GALNT13: variants seen among roughly 807,000 people sequenced by gnomAD.
The protein encoded by GALNT13 is polypeptide N-acetylgalactosaminyltransferase 13.
Under a neutral mutation model 64.2 loss-of-function variants are expected in GALNT13, and 28 were observed. The ratio of observed to expected loss-of-function variants is 0.44; its 90% CI spans 0.32 to 0.60. The LOEUF (loss-of-function observed/expected upper bound fraction) is 0.60, where lower values mean the gene tolerates loss of function less well. GALNT13 is among the 20% of genes least tolerant of loss of function. GALNT13 has a pLI of 0.05. For synonymous variants in GALNT13, 214 were observed against 224.6 expected, an observed-to-expected ratio of 0.95 and a Z score of 0.42; for missense variants, 577 against 669.8, an observed-to-expected ratio of 0.86 and a Z score of 1.53.
the GALNT13 span, among the ~76,000 whole-genome samples, chr2:153,807,290 T>G: frequency 1.3e-5 from 2 of 151,924 alleles, no homozygotes; most frequent in African/African-American, 4.8e-5. Context: ...AATATAAACT[T>G]GAATAAGGTT....
At chr2:153,496,848 C>T in the GALNT13 span, among the ~76,000 whole-genome samples, 1 of 151,484 alleles carries the variant, frequency 6.6e-6, no homozygotes, top group Admixed American at 6.6e-5. Context: ...AAAAAAATTA[C>T]CCAGGTGTGG....
At chr2:153,803,675 G>A in the GALNT13 span, among the ~76,000 whole-genome samples, 1 of 123,918 alleles carries the variant, frequency 8.1e-6, no homozygotes, top group Non-Finnish European at 1.6e-5. Flanking sequence ...CTGGGCGACA[G>A]ATCGAGACTC....
the GALNT13 span, among the ~76,000 whole-genome samples, chr2:153,356,041 A>G: frequency 2.0e-5 from 3 of 152,330 alleles, no homozygotes; most frequent in African/African-American, 7.2e-5. Context: ...TCACAGAATA[A>G]GGATATTCAA....
Position 154,207,915 on chromosome 2 carries a change from A to G in GALNT13, c.312-34115A>G, listed in dbSNP as rs935416836. On this transcript the variant is annotated intron_variant, in intron 4 of 12. Transcript: ENST00000392825. Reference sequence around the variant, plus strand: ...ATGTCGCATAGGACAAAGGCAACATATGTGGCTTTGGAATAGGACTTTTCA... The same window carrying G: ...ATGTCGCATAGGACAAAGGCAACATGTGTGGCTTTGGAATAGGACTTTTCA... Among the ~76,000 whole-genome samples the G allele has an allele frequency of 7.2e-5, 11 of 152,306 alleles. No individual in the cohort carries two copies. In the East Asian group the frequency reaches 1.9e-3, roughly 27 times the overall value.
At chr2:153,740,131 T>A in the GALNT13 span, among the ~76,000 whole-genome samples, 9 of 152,004 alleles carry the variant, frequency 5.9e-5, no homozygotes, top group Admixed American at 3.3e-4. Context: ...GCTTTCTGAA[T>A]CTTTAAATTT....
intron 4 of GALNT13, among the ~76,000 whole-genome samples, chr2:154,202,123 C>T (rs1397430023): frequency 1.3e-5 from 2 of 151,980 alleles, no homozygotes; most frequent in Non-Finnish European, 2.9e-5. Flanking sequence ...CTCTGTCTAG[C>T]AGGGGAGAAA....
chr2:153,896,876 C>G (rs1250329677), intron 1 of GALNT13, among the ~76,000 whole-genome samples: 1 of 151,820 alleles, frequency 6.6e-6, no homozygotes, highest in African/African-American at 2.4e-5. Context: ...TTATTTTTAC[C>G]TTGTTGCATA....
the GALNT13 span, among the ~76,000 whole-genome samples, chr2:153,272,988 C>G: frequency 1.3e-5 from 2 of 152,088 alleles, no homozygotes; most frequent in African/African-American, 4.8e-5. Flanking sequence ...AAGCTGCAAT[C>G]CATGAATCTG....
intron 3 of GALNT13, among the ~76,000 whole-genome samples, chr2:154,042,245 A>T (rs1458263824): frequency 7.2e-6 from 1 of 139,556 alleles, no homozygotes; most frequent in Non-Finnish European, 1.6e-5. Context: ...CATAAAACGG[A>T]AACGATGACA....
chr2:154,319,604 G>A (rs544454150), intron 9 of GALNT13, among the ~76,000 whole-genome samples: 2 of 151,306 alleles, frequency 1.3e-5, no homozygotes, highest in Non-Finnish European at 2.9e-5. Context: ...GGCAGAAGTC[G>A]CAGTGAGCCG....
intron 3 of GALNT13, among the ~76,000 whole-genome samples, chr2:154,038,866 G>A (rs1176996052): frequency 6.6e-6 from 1 of 151,892 alleles, no homozygotes; most frequent in Non-Finnish European, 1.5e-5. Flanking sequence ...AGTCCAAGAA[G>A]GGATTAATAT....
chr2:154,362,389 T>C (rs1191259673), intron 9 of GALNT13, among the ~76,000 whole-genome samples: 1 of 151,998 alleles, frequency 6.6e-6, no homozygotes, highest in Non-Finnish European at 1.5e-5. Context: ...GATTTGTATA[T>C]TTCATCTCTC....
the GALNT13 span, among the ~76,000 whole-genome samples, chr2:153,155,310 T>C: frequency 6.6e-6 from 1 of 152,190 alleles, no homozygotes; most frequent in Non-Finnish European, 1.5e-5. Flanking sequence ...CAGTTCTTCT[T>C]TGTACTTCTG....
chr2:153,221,864 A>T, the GALNT13 span, among the ~76,000 whole-genome samples: 1 of 152,198 alleles, frequency 6.6e-6, no homozygotes, highest in South Asian at 2.1e-4. Flanking sequence ...GATGAAGGGA[A>T]TGCAGTGGCA....
chr2:153,425,159 T>C, the GALNT13 span, among the ~76,000 whole-genome samples: 1 of 151,480 alleles, frequency 6.6e-6, no homozygotes, highest in South Asian at 2.1e-4. Context: ...ATTTATAAGG[T>C]GTGAGTGGGA....
chr2:153,892,017 T>C (rs1687586868), intron 1 of GALNT13, among the ~76,000 whole-genome samples: 1 of 152,028 alleles, frequency 6.6e-6, no homozygotes, highest in African/African-American at 2.4e-5. Context: ...GAGCAAAACC[T>C]TGAAGGATTT....
the GALNT13 span, among the ~76,000 whole-genome samples, chr2:153,745,820 T>C: frequency 1.3e-5 from 2 of 152,208 alleles, no homozygotes; most frequent in Admixed American, 6.5e-5. Flanking sequence ...TCCTGGATAA[T>C]CAAGCGATTG....
At chr2:153,455,073 T>C in the GALNT13 span, among the ~76,000 whole-genome samples, 1 of 152,180 alleles carries the variant, frequency 6.6e-6, no homozygotes, top group African/African-American at 2.4e-5. Flanking sequence ...AGTGTTTACA[T>C]TGGGGATAGG....
chr2:153,629,862 A>G, the GALNT13 span, among the ~76,000 whole-genome samples: 11 of 148,382 alleles, frequency 7.4e-5, no homozygotes, highest in East Asian at 3.9e-4. Flanking sequence ...CTTCTCAAAA[A>G]AAGACATTTA....
Sources: gnomAD v4.1 joint callset for allele counts (sites outside exome capture counted in the v4.1 genomes callset) on GRCh38, gnomAD v4.1.1 for gene constraint, MANE v1.5 for transcripts, NCBI Gene and HGNC (gene_info 2026-07-23, HGNC 2026-07-21) for gene names.